Variants in H6PD observed in about 807,000 individuals in gnomAD.
H6PD encodes hexose-6-phosphate dehydrogenase/glucose 1-dehydrogenase, also known as GDH/6PGL endoplasmic bifunctional protein.
In H6PD, 48 loss-of-function variants were observed where a neutral mutation model predicts 61.2. That is an observed-to-expected ratio of 0.78 (90% CI 0.62 to 1.00). H6PD has a LOEUF of 1.00. Ranked by LOEUF, H6PD falls within the 50% of genes least tolerant of loss-of-function variation. The pLI, the probability that H6PD is intolerant of heterozygous loss-of-function variation, is 0.00. For missense variants in H6PD, 1,093 were observed against 1,065.0 expected (o/e 1.03, Z -0.37); for synonymous variants, 480 against 457.9 (o/e 1.05, Z -0.62).
intron 3 of H6PD, among the ~76,000 whole-genome samples, chr1:9,252,360 T>C (rs1379810948): frequency 6.6e-6 from 1 of 152,244 alleles, no homozygotes; most frequent in Non-Finnish European, 1.5e-5. Context: ...ATATGTGTTA[T>C]AAACTCTTTT....
intron 1 of H6PD, among the ~76,000 whole-genome samples, 166 bp downstream of exon 1, chr1:9,235,232 A>G (rs1010076825): frequency 5.9e-5 from 9 of 151,904 alleles, no homozygotes; most frequent in Non-Finnish European, 1.3e-4. Context: ...GGCTCCCTCC[A>G]GGGTCGCCCC....
rs904792294 is a variant in H6PD, at chr1:9,261,140, C to T, written c.746-919C>T. On this transcript the variant is annotated intron_variant, in intron 3 of 4. Transcript: ENST00000377403. Reference sequence around the variant, plus strand: ...CTTCCCTGCATCTGCACCCATTCTCCCCCCAAGACCAGGGGTCGATCCCCA... The same window carrying T: ...CTTCCCTGCATCTGCACCCATTCTCTCCCCAAGACCAGGGGTCGATCCCCA... Among the ~76,000 whole-genome samples, 29 of 152,174 alleles carry T rather than the reference C, an allele frequency of 1.9e-4. 1 individual carries two copies. Among genetic ancestry groups the T allele is most frequent in the Admixed American group, 5.2e-4 (8 of 15,274 alleles).
At chr1:9,243,927 T>G (rs916426614) in intron 1 of H6PD, among the ~76,000 whole-genome samples, 1 of 152,156 alleles carries the variant, frequency 6.6e-6, no homozygotes. Context: ...GTCCCCTCTA[T>G]AGCGGTGCTG....
In H6PD at chr1:9,264,851, C is replaced by T. The variant is rs531681724; in HGVS notation, c.2358C>T (p.Tyr786=). Residue 786 remains tyrosine, a synonymous_variant, in exon 5 of 5, where the codon TAC becomes TAT. Coordinates refer to ENST00000377403, the MANE Select transcript of H6PD (RefSeq NM_004285.4). The part of the protein sequence containing the change: ...HSGQLVWYMD[Y]DAFLG ...GCCAGCTGGTGTGGTACATGGACTA[C>T]GACGCCTTCCTGGGATGAGGGCGCC... The T allele has an allele frequency of 1.1e-5, 17 of 1,611,996 alleles. No homozygotes were observed. Among genetic ancestry groups the T allele is most frequent in the South Asian group, 8.8e-5 (8 of 91,032 alleles).
Position 9,247,008 on chromosome 1 carries a change from G to A in H6PD, c.670G>A (p.Ala224Thr), listed in dbSNP as rs202016046. 2 of 1,614,086 alleles carry A rather than the reference G, an allele frequency of 1.2e-6. No homozygotes were observed. The highest frequency in any genetic ancestry group is 2.7e-5 in the African/African-American group (2 of 75,004). Residue 224 changes from alanine to threonine, a missense_variant, in exon 3 of 5, where the codon GCT becomes ACT. By Grantham distance (58) the Ala-to-Thr change is moderately conservative. Transcript: ENST00000377403. ...ILPFRDQNRK[A>T]LDGLWNRHHV... Reference sequence around the variant, plus strand: ...GCCTTTCCGAGACCAGAACCGCAAGGCTTTGGACGGCCTCTGGAACCGGCA... The same window carrying A: ...GCCTTTCCGAGACCAGAACCGCAAGACTTTGGACGGCCTCTGGAACCGGCA...
chr1:9,265,271 C>G lies in H6PD; in HGVS notation c.*402C>G, dbSNP rs1045141022. The G allele has an allele frequency of 1.9e-5, 7 of 359,730 alleles. No individual in the cohort carries two copies. In the East Asian group the frequency reaches 5.0e-4, roughly 26 times the overall value. The allele number at this position is 359,730 out of a possible 1,614,324, so 22.3% of individuals were successfully genotyped here. On this transcript the variant is annotated 3_prime_UTR_variant, in exon 5 of 5. Coordinates refer to ENST00000377403, the MANE Select transcript of H6PD (RefSeq NM_004285.4). ...GGAAGGTTTCCTGGGGGAGGTGATCCTTGAACTGGCTCCCGGGGAACATTC... is the reference window on the plus strand; with the variant it reads ...GGAAGGTTTCCTGGGGGAGGTGATCGTTGAACTGGCTCCCGGGGAACATTC...
At position 9,264,235 on chromosome 1, in the gene H6PD, G is replaced by A. The variant is rs148493577; in HGVS notation, c.1742G>A (p.Arg581His). Reference sequence around the variant, plus strand: ...GCCACCGCTGTGCGAGCCGTGCGGCGCTTTGGCCAGTTCCACCTGGCACTG... The same window carrying A: ...GCCACCGCTGTGCGAGCCGTGCGGCACTTTGGCCAGTTCCACCTGGCACTG... ...IEATAVRAVR[R>H]FGQFHLALSG... Residue 581 changes from arginine (R) to histidine (H), a missense_variant, in exon 5 of 5, where the codon CGC becomes CAC. By Grantham distance (29) the Arg-to-His change is conservative (BLOSUM62 0). Transcript: ENST00000377403. The A allele has an allele frequency of 3.6e-4, 572 of 1,610,424 alleles. 1 individual carries two copies. The highest frequency in any genetic ancestry group is 6.1e-4 in the African/African-American group (46 of 75,008).
Position 9,258,609 on chromosome 1 carries a change from G to A in H6PD, c.746-3450G>A, listed in dbSNP as rs552681997. Reference sequence around the variant, plus strand: ...GTGTTGTAACATTGCTGTTAACACCGTTGTTATGTTGCTGTTATGCCGGTG... The same window carrying A: ...GTGTTGTAACATTGCTGTTAACACCATTGTTATGTTGCTGTTATGCCGGTG... On this transcript the variant is annotated intron_variant, in intron 3 of 4. Transcript: ENST00000377403. Among the ~76,000 whole-genome samples the A allele has an allele frequency of 4.3e-3, 654 of 151,892 alleles. 5 individuals are homozygous for A. The highest frequency in any genetic ancestry group is 0.015 in the African/African-American group (630 of 41,378).
In H6PD at chr1:9,271,230, G is replaced by A. The variant is rs1303531003; in HGVS notation, c.*6361G>A. ...ATTACAGGCGGGAGCCACCATGCCT[G>A]GCCAGAACAAATGCCTTTTTAAACC... is the stretch of plus-strand genomic sequence containing the variant. On this transcript the variant is annotated 3_prime_UTR_variant, in exon 5 of 5. Coordinates refer to ENST00000377403, the MANE Select transcript of H6PD (RefSeq NM_004285.4). The A allele has an allele frequency of 6.6e-6, 1 of 152,134 alleles. No homozygotes were observed. The highest frequency in any genetic ancestry group is 2.4e-5 in the African/African-American group (1 of 41,400). 9.4% of individuals were successfully genotyped at this position (152,134 alleles called of 1,614,324 possible).
chr1:9,248,135 G>A (rs973589066), intron 3 of H6PD, among the ~76,000 whole-genome samples: 2 of 152,192 alleles, frequency 1.3e-5, no homozygotes, highest in African/African-American at 2.4e-5. Flanking sequence ...TCATCCCCGC[G>A]GCCGCTTTCT....
rs183711935 is a variant in H6PD, at chr1:9,259,947, G to A, written c.746-2112G>A. ...GTTACGTTGTTGTTATGCTGGTGGT[G>A]TTATGTTGCTGTTGTTACTCTGCTG... On this transcript the variant is annotated intron_variant, in intron 3 of 4. Coordinates refer to ENST00000377403, the MANE Select transcript of H6PD (RefSeq NM_004285.4). Among the ~76,000 whole-genome samples, 6 of 151,964 alleles carry A rather than the reference G, an allele frequency of 3.9e-5. No individual in the cohort carries two copies. In the East Asian group the frequency reaches 9.7e-4, roughly 24 times the overall value.
intron 1 of H6PD, among the ~76,000 whole-genome samples, chr1:9,243,608 T>C (rs1418867278): frequency 1.3e-5 from 2 of 152,166 alleles, no homozygotes; most frequent in East Asian, 3.9e-4. Flanking sequence ...GAGGAAGAAT[T>C]CAGTGCAGGA....
intron 3 of H6PD, among the ~76,000 whole-genome samples, chr1:9,260,143 G>T (rs1641674369): frequency 2.0e-5 from 3 of 151,018 alleles, no homozygotes; most frequent in Admixed American, 2.0e-4. Flanking sequence ...CTGTTAGCTG[G>T]TGTTATATTG....
chr1:9,250,319 G>A (rs559132254), intron 3 of H6PD, among the ~76,000 whole-genome samples: 2 of 152,094 alleles, frequency 1.3e-5, no homozygotes, highest in African/African-American at 2.4e-5. Context: ...CGGAGCCCGC[G>A]GTCTGACTGC....
chr1:9,246,962 A>T lies in H6PD; in HGVS notation c.628-4A>T, dbSNP rs758317342. On this transcript the variant is annotated splice_region_variant and splice_polypyrimidine_tract_variant and intron_variant, in intron 2 of 4. Transcript: ENST00000377403. ...CAGCACGCCCAGTCTTCCCCCCCCGACAGGCTGTGGCGCAGATCCTGCCTT... is the reference window on the plus strand; with the variant it reads ...CAGCACGCCCAGTCTTCCCCCCCCGTCAGGCTGTGGCGCAGATCCTGCCTT... 1 of 1,604,096 alleles carries T rather than the reference A, an allele frequency of 6.2e-7. No individual in the cohort carries two copies. The highest frequency in any genetic ancestry group is 1.7e-4 in the Middle Eastern group (1 of 6,036).
chr1:9,248,255 C>T (rs995437276), intron 3 of H6PD, among the ~76,000 whole-genome samples: 1 of 152,262 alleles, frequency 6.6e-6, no homozygotes, highest in Non-Finnish European at 1.5e-5. Flanking sequence ...CAGGAGGTTT[C>T]TCCTCTTTTT....
intron 1 of H6PD, among the ~76,000 whole-genome samples, 155 bp downstream of exon 1, chr1:9,235,221 A>AGGCTCCCTCCAGGGTCGCCCC (rs1553182857): frequency 1.3e-5 from 2 of 151,932 alleles, no homozygotes; most frequent in Non-Finnish European, 2.9e-5. Context: ...GGAGGCGGCC[A>AGGCTCCCTCCAGGGTCGCCCC]GGCTCCCTCC....
Position 9,265,425 on chromosome 1 carries a change from T to A in H6PD, c.*556T>A, listed in dbSNP as rs1425784710. On this transcript the variant is annotated 3_prime_UTR_variant, in exon 5 of 5. Coordinates refer to ENST00000377403, the MANE Select transcript of H6PD (RefSeq NM_004285.4). ...AAGCCCCTCCTTCCCCAGCTGCCCC[T>A]CCTTCTAGAACCTCTGCACATCTAG... is the stretch of plus-strand genomic sequence containing the variant. 1 of 184,914 alleles carries A rather than the reference T, an allele frequency of 5.4e-6. No individual in the cohort carries two copies. Among genetic ancestry groups the A allele is most frequent in the Non-Finnish European group, 1.2e-5 (1 of 86,942 alleles). The allele number at this position is 184,914 out of a possible 1,614,324, so 11.5% of individuals were successfully genotyped here. A position where few individuals can be genotyped will look rare whatever the true frequency, so the allele number is the denominator to read the frequency against.
At chr1:9,242,526 C>T (rs1417368221) in intron 1 of H6PD, 30 of 979,976 alleles carry the variant, frequency 3.1e-5, no homozygotes, top group South Asian at 4.7e-5. Flanking sequence ...GGACCCACAA[C>T]AGGACTGGTC....
Sources: gnomAD v4.1 joint callset for allele counts (sites outside exome capture counted in the v4.1 genomes callset) on GRCh38, gnomAD v4.1.1 for gene constraint, MANE v1.5 for transcripts, NCBI Gene and HGNC (gene_info 2026-07-23, HGNC 2026-07-21) for gene names.